UBE4B: variants seen among roughly 807,000 people sequenced by gnomAD.
UBE4B encodes ubiquitin conjugation factor E4 B.
Under a neutral mutation model 148.1 loss-of-function variants are expected in UBE4B, and 27 were observed. That is an observed-to-expected ratio of 0.18 (90% CI 0.13 to 0.25). UBE4B has a LOEUF of 0.25. UBE4B is among the 10% of genes least tolerant of loss of function. UBE4B has a pLI of 1.00. For missense variants in UBE4B, 1,170 were observed against 1,662.4 expected (o/e 0.70, Z 5.15); for synonymous variants, 596 against 619.3 (o/e 0.96, Z 0.56).
intron 7 of UBE4B, chr1:10,107,240 C>T: frequency 7.8e-7 from 1 of 1,289,578 alleles, no homozygotes; most frequent in Non-Finnish European, 1.0e-6. Context: ...ACAATCCTTT[C>T]TCCTTCCTCT....
Position 10,095,444 on chromosome 1 carries a change from C to G in UBE4B, c.212-17C>G, listed in dbSNP as rs533102454. 8.1e-6 allele frequency: 13 copies of G among 1,612,850 alleles called. No homozygotes were observed. The South Asian group carries it at 1.4e-4, about 18-fold the overall frequency. On this transcript the variant is annotated splice_polypyrimidine_tract_variant and intron_variant, in intron 2 of 27. Transcript: ENST00000343090. Reference sequence around the variant, plus strand: ...TATTTCACATGGGGCTTCATCCTTCCTGTGTTTTCTGTTTAGGAGTAGCCC... The same window carrying G: ...TATTTCACATGGGGCTTCATCCTTCGTGTGTTTTCTGTTTAGGAGTAGCCC...
chr1:10,093,217 G>A (rs1486915485), intron 2 of UBE4B, among the ~76,000 whole-genome samples: 1 of 152,058 alleles, frequency 6.6e-6, no homozygotes, highest in Non-Finnish European at 1.5e-5. Context: ...GTTTATTATT[G>A]ATTAATTTTA....
intron 2 of UBE4B, among the ~76,000 whole-genome samples, chr1:10,084,519 C>G (rs1357819951): frequency 6.6e-6 from 1 of 151,864 alleles, no homozygotes; most frequent in African/African-American, 2.4e-5. Flanking sequence ...GTGCATTTGT[C>G]TGGTCTTCCA....
intron 17 of UBE4B, among the ~76,000 whole-genome samples, chr1:10,139,803 A>G (rs1165903701): frequency 6.6e-6 from 1 of 152,186 alleles, no homozygotes; most frequent in East Asian, 1.9e-4. Flanking sequence ...ATCTTGGCTC[A>G]CCTCAACCTC....
At position 10,137,094 on chromosome 1, in the gene UBE4B, C is replaced by T. The variant is rs564326522; in HGVS notation, c.2252C>T (p.Pro751Leu). ...LYGDQPPFSE[P>L]KFPTECFFLT... is the part of the protein sequence containing the mutation. The stretch of plus-strand genomic sequence containing the variant: ...GGCGATCAGCCTCCATTTTCTGAGC[C>T]GAAATTCCCTACGGAGTGCTTCTTT... The change falls in exon 17 of 28, where the codon CCG (proline) becomes CTG (leucine). Residue 751 changes from proline (P) to leucine (L), a missense_variant. By Grantham distance (98) the Pro-to-Leu change is moderately conservative. Around this residue, in one of 6 missense-constraint regions of UBE4B, gnomAD observed 388 missense variants for 536.0 expected, o/e 0.72. Coordinates refer to ENST00000343090, the MANE Select transcript of UBE4B (RefSeq NM_001105562.3). 13 of 1,614,068 alleles carry T rather than the reference C, an allele frequency of 8.1e-6. No individual in the cohort carries two copies. Among genetic ancestry groups the T allele is most frequent in the Middle Eastern group, 3.3e-4 (2 of 6,062 alleles).
intron 1 of UBE4B, among the ~76,000 whole-genome samples, chr1:10,035,139 C>T (rs987373729): frequency 6.6e-6 from 1 of 151,612 alleles, no homozygotes; most frequent in African/African-American, 2.4e-5. Context: ...GCTGGGACTA[C>T]AGGCGCCCGC....
chr1:10,158,136 C>A (rs1442696879), intron 21 of UBE4B, among the ~76,000 whole-genome samples: 1 of 152,052 alleles, frequency 6.6e-6, no homozygotes, highest in African/African-American at 2.4e-5. Flanking sequence ...AGCCCCGTTC[C>A]TTTAGGTGTT....
chr1:10,050,691 G>A (rs1644017561), intron 1 of UBE4B, among the ~76,000 whole-genome samples: 1 of 151,198 alleles, frequency 6.6e-6, no homozygotes, highest in Admixed American at 6.6e-5. Flanking sequence ...TGAATGCAGT[G>A]ATACAACATG....
intron 1 of UBE4B, among the ~76,000 whole-genome samples, chr1:10,040,136 G>C (rs559284995): frequency 6.8e-6 from 1 of 146,674 alleles, no homozygotes; most frequent in Non-Finnish European, 1.5e-5. Flanking sequence ...TTTTTTTTTC[G>C]TCTTTTGAGA....
At chr1:10,081,125 C>T (rs558304629) in intron 2 of UBE4B, among the ~76,000 whole-genome samples, 2 of 152,202 alleles carry the variant, frequency 1.3e-5, no homozygotes, top group East Asian at 1.9e-4. Context: ...TACAATGGCA[C>T]GATCTTGGCT....
chr1:10,175,220 G>T (rs1012402706), intron 25 of UBE4B, among the ~76,000 whole-genome samples: 6 of 152,134 alleles, frequency 3.9e-5, no homozygotes, highest in South Asian at 4.1e-4. Context: ...ATAGGGAGAT[G>T]TTAAAGTGGC....
chr1:10,105,513 C>A lies in UBE4B; in HGVS notation c.581-3C>A. 5.6e-6 allele frequency: 9 copies of A among 1,613,790 alleles called. No homozygotes were observed. The highest frequency in any genetic ancestry group is 5.9e-6 in the Non-Finnish European group (7 of 1,179,704). ...CCTGTTCTTTGTTCTGCCTTTCCAA[C>A]AGTATTCTCCGATTTTAAGGACTTG... On this transcript the variant is annotated splice_polypyrimidine_tract_variant and splice_region_variant and intron_variant, in intron 5 of 27. Coordinates refer to ENST00000343090, the MANE Select transcript of UBE4B (RefSeq NM_001105562.3).
intron 1 of UBE4B, among the ~76,000 whole-genome samples, chr1:10,061,391 A>G (rs1251289783): frequency 1.3e-5 from 2 of 152,112 alleles, no homozygotes; most frequent in African/African-American, 2.4e-5. Context: ...AGTAGCTGGG[A>G]TTACAGGCAT....
Position 10,151,554 on chromosome 1 carries a change from T to C in UBE4B, c.2919T>C (p.Phe973=), listed in dbSNP as rs747849279. 1.9e-6 allele frequency: 3 copies of C among 1,613,626 alleles called. No individual in the cohort carries two copies. In the African/African-American group the frequency reaches 4.0e-5, roughly 22 times the overall value. ...TGTTGGTACCTTCCCTGATGAAGTT[T>C]TATACAGGTAGGTTGCTGGAACACA... ...TKLLVPSLMK[F]YTDVEHTGAT... Residue 973 remains phenylalanine, a synonymous_variant, in exon 21 of 28, where the codon TTT becomes TTC. Coordinates refer to ENST00000343090, the MANE Select transcript of UBE4B (RefSeq NM_001105562.3).
intron 27 of UBE4B, 123 bp from the exon 28 acceptor site, chr1:10,179,772 A>G: frequency 1.4e-6 from 2 of 1,386,232 alleles, no homozygotes; most frequent in Non-Finnish European, 2.0e-6. Context: ...GTCCTTCTGG[A>G]GTCTTCGGCT....
At chr1:10,136,935 A>G (rs1356248211) in intron 16 of UBE4B, 132 bp from the exon 17 acceptor site, 1 of 1,040,072 alleles carries the variant, frequency 9.6e-7, no homozygotes, top group East Asian at 2.7e-5. Context: ...AAATAAATAA[A>G]TAAATAAACA....
intron 2 of UBE4B, among the ~76,000 whole-genome samples, chr1:10,081,651 T>TA (rs1291941788): frequency 6.6e-6 from 1 of 151,420 alleles, no homozygotes; most frequent in Admixed American, 6.6e-5. Context: ...TGTAATGGCG[T>TA]AATCTTGGCT....
chr1:10,085,849 G>T (rs1023841407), intron 2 of UBE4B, among the ~76,000 whole-genome samples: 2 of 152,108 alleles, frequency 1.3e-5, no homozygotes, highest in Non-Finnish European at 2.9e-5. Context: ...GAGTACAGTG[G>T]CGCGATTTTG....
intron 12 of UBE4B, 50 bp from the exon 13 acceptor site, chr1:10,130,450 C>A: frequency 6.9e-7 from 1 of 1,446,620 alleles, no homozygotes; most frequent in Non-Finnish European, 9.6e-7. Context: ...TACATTTTTA[C>A]CCCACCGGCC....
Sources: gnomAD v4.1 joint callset for allele counts (sites outside exome capture counted in the v4.1 genomes callset) on GRCh38, gnomAD v4.1.1 for gene constraint, gnomAD v4.1.1 regional missense constraint, MANE v1.5 for transcripts, NCBI Gene and HGNC (gene_info 2026-07-23, HGNC 2026-07-21) for gene names.